The following FIRRM variants were observed in gnomAD, a reference collection of about 807,000 sequenced individuals.
FIRRM encodes FIGNL1 interacting regulator of recombination and mitosis.
the FIRRM span, among the ~76,000 whole-genome samples, chr1:169,841,998 A>AGTCTCT: frequency 2.0e-5 from 3 of 151,892 alleles, no homozygotes; most frequent in Non-Finnish European, 4.4e-5. Flanking sequence ...CAACATGGTG[A>AGTCTCT]AAACTGAGTC....
At chr1:169,852,644 C>G in the FIRRM span, 1 of 740,872 alleles carries the variant, frequency 1.3e-6, no homozygotes, top group Non-Finnish European at 2.2e-6. Flanking sequence ...TTCTAGATGA[C>G]TGTGTAGGGG....
At chr1:169,791,750 T>C in the FIRRM span, among the ~76,000 whole-genome samples, 10 of 152,338 alleles carry the variant, frequency 6.6e-5, no homozygotes, top group East Asian at 3.9e-4. Context: ...GAATCCATGA[T>C]GTCCGATTAT....
the FIRRM span, among the ~76,000 whole-genome samples, chr1:169,811,660 A>G: frequency 6.6e-6 from 1 of 152,074 alleles, no homozygotes; most frequent in Non-Finnish European, 1.5e-5. Flanking sequence ...GTCTAGATAG[A>G]TAGATAGATA....
At chr1:169,814,653 T>C in the FIRRM span, among the ~76,000 whole-genome samples, 1 of 152,266 alleles carries the variant, frequency 6.6e-6, no homozygotes. Context: ...AATTCCTTGA[T>C]ACATATTGTA....
chr1:169,801,014 G>T, the FIRRM span: 4 of 984,144 alleles, frequency 4.1e-6, no homozygotes, highest in Non-Finnish European at 6.3e-6. Flanking sequence ...AAGGAATCTA[G>T]CCTCAGTCTT....
At chr1:169,809,624 A>AAACTG in the FIRRM span, among the ~76,000 whole-genome samples, 1 of 152,198 alleles carries the variant, frequency 6.6e-6, no homozygotes, top group Non-Finnish European at 1.5e-5. Flanking sequence ...CAGTTTATAT[A>AAACTG]AACTGCTTAT....
chr1:169,823,730 A>AAT, the FIRRM span, among the ~76,000 whole-genome samples: 55 of 151,222 alleles, frequency 3.6e-4, no homozygotes, highest in African/African-American at 1.1e-3. Flanking sequence ...GGCAAATATA[A>AAT]ATATATATAT....
At chr1:169,831,761 G>GT in the FIRRM span, among the ~76,000 whole-genome samples, 3 of 152,030 alleles carry the variant, frequency 2.0e-5, no homozygotes, top group Admixed American at 6.6e-5. Flanking sequence ...GTTAGTGGTG[G>GT]TTTTTTTCTT....
the FIRRM span, chr1:169,850,104 T>C: frequency 3.3e-6 from 2 of 597,448 alleles, no homozygotes; most frequent in African/African-American, 3.7e-5. Context: ...TGTATTATCC[T>C]TAGGGACCCT....
At chr1:169,792,542 T>G in the FIRRM span, 3 of 1,464,002 alleles carry the variant, frequency 2.0e-6, no homozygotes, top group South Asian at 4.6e-5. Flanking sequence ...TTGGTCCTTC[T>G]GTTTATTTCA....
the FIRRM span, chr1:169,821,695 G>A: frequency 6.2e-7 from 1 of 1,610,706 alleles, no homozygotes; most frequent in East Asian, 2.2e-5. Context: ...GCTGACTACA[G>A]ATTATTTCAG....
chr1:169,851,739 T>A, the FIRRM span: 7 of 1,546,964 alleles, frequency 4.5e-6, no homozygotes, highest in Non-Finnish European at 6.1e-6. Context: ...CACTCAGCAC[T>A]TAAATTATGT....
At chr1:169,842,553 C>A in the FIRRM span, 63 of 1,610,468 alleles carry the variant, frequency 3.9e-5, no homozygotes, top group African/African-American at 8.3e-4. Context: ...AGGAAAGCAA[C>A]TGATCCTTTC....
At chr1:169,791,672 T>G in the FIRRM span, among the ~76,000 whole-genome samples, 1 of 152,012 alleles carries the variant, frequency 6.6e-6, no homozygotes, top group African/African-American at 2.4e-5. Context: ...GGGGATGACA[T>G]AAACCTCATA....
the FIRRM span, chr1:169,795,235 T>G: frequency 6.5e-7 from 1 of 1,533,090 alleles, no homozygotes; most frequent in Non-Finnish European, 8.7e-7. Context: ...TGGTTGTCAC[T>G]TCTACCTAGA....
the FIRRM span, among the ~76,000 whole-genome samples, chr1:169,834,085 A>G: frequency 1.3e-5 from 2 of 152,084 alleles, no homozygotes; most frequent in Non-Finnish European, 2.9e-5. Flanking sequence ...TTAAAATAAT[A>G]TAACTCAGAA....
chr1:169,850,072 A>G, the FIRRM span: 1 of 575,794 alleles, frequency 1.7e-6, no homozygotes, highest in Non-Finnish European at 3.1e-6. Context: ...AAAGCTTACA[A>G]CACTTGTACA....
chr1:169,795,789 C>T, the FIRRM span: 1 of 985,208 alleles, frequency 1.0e-6, no homozygotes, highest in African/African-American at 1.7e-5. Context: ...TTTCTTCTTT[C>T]TTTCTTTTTT....
At chr1:169,805,642 C>A in the FIRRM span, among the ~76,000 whole-genome samples, 1 of 152,068 alleles carries the variant, frequency 6.6e-6, no homozygotes, top group Non-Finnish European at 1.5e-5. Flanking sequence ...AATTTGAATT[C>A]TTCCTTTTTA....
Sources: allele counts gnomAD v4.1 joint callset (sites outside exome capture counted in the v4.1 genomes callset), GRCh38; gene constraint gnomAD v4.1.1; transcripts MANE v1.5; gene names NCBI Gene and HGNC (gene_info 2026-07-23, HGNC 2026-07-21).